The following GBA2 variants were observed in gnomAD, a reference collection of about 807,000 sequenced individuals.
The protein encoded by GBA2 is non-lysosomal glucosylceramidase.
Under a neutral mutation model 112.9 loss-of-function variants are expected in GBA2, and 79 were observed. That is an observed-to-expected ratio of 0.70 (90% CI 0.58 to 0.84). The LOEUF is 0.84. Ranked by LOEUF, GBA2 falls within the 40% of genes least tolerant of loss-of-function variation. GBA2 has a pLI of 0.00. For missense variants in GBA2, 1,043 were observed against 1,190.0 expected (o/e 0.88, Z 1.82); for synonymous variants, 403 against 434.3 (o/e 0.93, Z 0.90).
chr9:35,739,031 TTCC>T lies in GBA2; in HGVS notation c.1763_1765del (p.Arg588del). The T allele has an allele frequency of 6.2e-7, 1 of 1,613,494 alleles. No homozygotes were observed. The highest frequency in any genetic ancestry group is 8.5e-7 in the Non-Finnish European group (1 of 1,179,564). ...GTCCCCAATATCATGGGGGATGACG[TTCC>T]TCCTTTTCACAGGTGCCATCACCCC... On this transcript the variant is annotated inframe_deletion, in exon 11 of 17. Transcript: ENST00000378103.
At chr9:35,745,478 G>A (rs1826925509) in intron 1 of GBA2, among the ~76,000 whole-genome samples, 1 of 151,084 alleles carries the variant, frequency 6.6e-6, no homozygotes, top group Non-Finnish European at 1.5e-5. Flanking sequence ...GGTGAAAGGG[G>A]GAAAAAAATA....
At position 35,740,525 on chromosome 9, in the gene GBA2, C is replaced by A; in HGVS notation, c.1129+1G>T. 1.2e-6 allele frequency: 2 copies of A among 1,606,214 alleles called. No homozygotes were observed. Among genetic ancestry groups the A allele is most frequent in the Non-Finnish European group, 1.7e-6 (2 of 1,172,858 alleles). Reference sequence around the variant, plus strand: ...CATCTCCCAGTCAGACCCCCCATCACCAGTGGGAGAGTCCAGCTGTCCATC... The same window carrying A: ...CATCTCCCAGTCAGACCCCCCATCAACAGTGGGAGAGTCCAGCTGTCCATC... On this transcript the variant is annotated splice_donor_variant, in intron 6 of 16. Transcript: ENST00000378103. LOFTEE classifies it high-confidence loss of function. This position sits in a 1 kb window ranked among gnomAD's most constrained non-coding sequence, Gnocchi z 4.7.
chr9:35,738,561 GT>G lies in GBA2; in HGVS notation c.2018del (p.Asp673AlafsTer8). The G allele has an allele frequency of 1.9e-6, 3 of 1,613,780 alleles. No individual in the cohort carries two copies. Among genetic ancestry groups the G allele is most frequent in the Non-Finnish European group, 2.5e-6 (3 of 1,179,668 alleles). On this transcript the variant is annotated frameshift_variant, in exon 13 of 17. Coordinates refer to ENST00000378103, the MANE Select transcript of GBA2 (RefSeq NM_020944.3). LOFTEE classifies it high-confidence loss of function. ...TGGTCACCCATCCATCATAGGTCTG[GT>G]CTGCATAGCCTCCATTTTCAATGAG... is the stretch of plus-strand genomic sequence containing the variant. ...DGLIENGGYADQTYDGWVTTG... is the reference protein window; with the variant it reads ...DGLIENGGYAXQTYDGWVTTG...
Position 35,741,094 on chromosome 9 carries a change from C to T in GBA2, c.787-30G>A, listed in dbSNP as rs1055185640. 2 of 1,611,310 alleles carry T rather than the reference C, an allele frequency of 1.2e-6. No individual in the cohort carries two copies. Among genetic ancestry groups the T allele is most frequent in the African/African-American group, 2.7e-5 (2 of 74,890 alleles). On this transcript the variant is annotated intron_variant, in intron 4 of 16. Transcript: ENST00000378103. The surrounding 1 kb of genome is among the most constrained non-coding windows in gnomAD (Gnocchi z 4.6). ...GGGCAGAAGATTAGACTCAGACGGT[C>T]CCAGTAGAGCGCCTCCTGACCCCAC...
intron 10 of GBA2, 99 bp downstream of exon 10, chr9:35,739,216 G>T: frequency 9.7e-7 from 1 of 1,028,572 alleles, no homozygotes; most frequent in Non-Finnish European, 1.5e-6. Context: ...ATGCAGATAC[G>T]TATGAAGGGA....
rs762002434 is a variant in GBA2, at chr9:35,741,843, G to A, written c.615C>T (p.Val205=). The A allele has an allele frequency of 7.4e-6, 12 of 1,614,004 alleles. No individual in the cohort carries two copies. The South Asian group carries it at 8.8e-5, about 12-fold the overall frequency. Residue 205 remains valine, a synonymous_variant, in exon 4 of 17, where the codon GTC becomes GTT. Transcript: ENST00000378103. This position sits in a 1 kb window ranked among gnomAD's most constrained non-coding sequence, Gnocchi z 4.6. ...RREGQTVYQQ[V]LSLERPSVLR... ...GGACACTTGGGCGCTCCAGGGACAG[G>A]ACTTGCTGGTACACAGTCTGCCCTT...
chr9:35,742,100 A>C, intron 3 of GBA2: 1 of 602,204 alleles, frequency 1.7e-6, no homozygotes, highest in Non-Finnish European at 3.0e-6. Context: ...CTTCTCCACT[A>C]CGGTGGTGTT....
At chr9:35,739,153 G>C (rs1826469063) in intron 10 of GBA2, 44 bp from the exon 11 acceptor site, 1 of 1,292,132 alleles carries the variant, frequency 7.7e-7, no homozygotes, top group Non-Finnish European at 1.1e-6. Flanking sequence ...GGGCATGCCT[G>C]AGGAGGGGCA....
intron 1 of GBA2, among the ~76,000 whole-genome samples, chr9:35,745,778 G>T (rs970096289): frequency 6.6e-6 from 1 of 151,942 alleles, no homozygotes; most frequent in Non-Finnish European, 1.5e-5. Flanking sequence ...TTCCAGATGG[G>T]TCCTCACTAA....
rs867093831 is a variant in GBA2, at chr9:35,741,420, G to A, written c.786+252C>T. On this transcript the variant is annotated intron_variant, in intron 4 of 16. Coordinates refer to ENST00000378103, the MANE Select transcript of GBA2 (RefSeq NM_020944.3). This position sits in a 1 kb window ranked among gnomAD's most constrained non-coding sequence, Gnocchi z 4.6. The stretch of plus-strand genomic sequence containing the variant: ...CACCATTATCCTGCCTCAGCCTCCC[G>A]AGTAGCTGGGACTACAGGTGCCTGC... 8.2e-5 allele frequency: 43 copies of A among 523,570 alleles called. No homozygotes were observed. Among genetic ancestry groups the A allele is most frequent in the Middle Eastern group, 1.0e-3 (2 of 1,916 alleles). 32.4% of individuals were successfully genotyped at this position (523,570 alleles called of 1,614,324 possible).
intron 3 of GBA2, among the ~76,000 whole-genome samples, chr9:35,742,638 C>T (rs1054340153): frequency 1.3e-5 from 2 of 152,166 alleles, no homozygotes; most frequent in African/African-American, 4.8e-5. Flanking sequence ...ATGCACCCTT[C>T]TTCAGAGTTG....
intron 11 of GBA2, 31 bp from the exon 12 acceptor site, chr9:35,738,934 G>A: frequency 1.2e-6 from 2 of 1,612,970 alleles, no homozygotes; most frequent in Non-Finnish European, 1.7e-6. Context: ...TGGGTCACTT[G>A]CATTGGTGGA....
In GBA2 at chr9:35,737,262, CT is replaced by C; in HGVS notation, c.2690del (p.Lys897ArgfsTer13). 1 of 1,614,012 alleles carries C rather than the reference CT, an allele frequency of 6.2e-7. No individual in the cohort carries two copies. Among genetic ancestry groups the C allele is most frequent in the Non-Finnish European group, 8.5e-7 (1 of 1,180,034 alleles). Reference sequence around the variant, plus strand: ...CCTGTTTGACTTTTGGCCAGGAGGCCTTTTTGTGCTGCTGCTGTTGCAGGGC... The same window carrying C: ...CCTGTTTGACTTTTGGCCAGGAGGCCTTTTGTGCTGCTGCTGTTGCAGGGC... ...QLALQQQQHK[K>X]ASWPKVKQGT... On this transcript the variant is annotated frameshift_variant, in exon 17 of 17. Transcript: ENST00000378103. LOFTEE classifies it low-confidence loss of function (END_TRUNC). The surrounding 1 kb of genome is among the most constrained non-coding windows in gnomAD (Gnocchi z 4.1).
At chr9:35,745,283 T>C (rs1388369097) in intron 1 of GBA2, among the ~76,000 whole-genome samples, 1 of 152,056 alleles carries the variant, frequency 6.6e-6, no homozygotes, top group Non-Finnish European at 1.5e-5. Context: ...CCACCATGCC[T>C]GGCACATTTT....
At chr9:35,745,708 T>G (rs768177928) in intron 1 of GBA2, among the ~76,000 whole-genome samples, 1 of 152,186 alleles carries the variant, frequency 6.6e-6, no homozygotes, top group Non-Finnish European at 1.5e-5. Flanking sequence ...ACGATTCTGT[T>G]TTCAAGGCTC....
In GBA2 at chr9:35,741,260, G is replaced by A. The variant is rs1350867852; in HGVS notation, c.787-196C>T. 9.9e-6 allele frequency: 6 copies of A among 608,124 alleles called. No individual in the cohort carries two copies. The highest frequency in any genetic ancestry group is 8.4e-5 in the East Asian group (3 of 35,796). 37.7% of individuals were successfully genotyped at this position (608,124 alleles called of 1,614,324 possible). On this transcript the variant is annotated intron_variant, in intron 4 of 16. Coordinates refer to ENST00000378103, the MANE Select transcript of GBA2 (RefSeq NM_020944.3). The surrounding 1 kb of genome is among the most constrained non-coding windows in gnomAD (Gnocchi z 4.6). The stretch of plus-strand genomic sequence containing the variant: ...TATAGAAGACCAGAACCAGTTGGGC[G>A]GTGGTTCTGGGAAGCCAGTGTGATG...
At position 35,737,860 on chromosome 9, in the gene GBA2, A is replaced by G; in HGVS notation, c.2393T>C (p.Met798Thr). 1 of 1,613,748 alleles carries G rather than the reference A, an allele frequency of 6.2e-7. No homozygotes were observed. Among genetic ancestry groups the G allele is most frequent in the Non-Finnish European group, 8.5e-7 (1 of 1,179,856 alleles). ...GGGCTGCATCCCATTCACAGCCCCCATGGCCCCTCCTGCAAAGGCCTGGAC... is the reference window on the plus strand; with the variant it reads ...GGGCTGCATCCCATTCACAGCCCCCGTGGCCCCTCCTGCAAAGGCCTGGAC... Reference protein sequence around the residue: ...LNVQAFAGGAMGAVNGMQPHG... With the variant: ...LNVQAFAGGATGAVNGMQPHG... Residue 798 changes from methionine (M) to threonine (T), a missense_variant, in exon 16 of 17, where the codon ATG becomes ACG. Coordinates refer to ENST00000378103, the MANE Select transcript of GBA2 (RefSeq NM_020944.3). This position sits in a 1 kb window ranked among gnomAD's most constrained non-coding sequence, Gnocchi z 4.1.
chr9:35,737,594 G>T lies in GBA2; in HGVS notation c.2506-147C>A. ...AACTATGACCCACAGACAGAAGCCT[G>T]AAGGCAGGAGCTGGAATGCATACCA... On this transcript the variant is annotated intron_variant, in intron 16 of 16. Coordinates refer to ENST00000378103, the MANE Select transcript of GBA2 (RefSeq NM_020944.3). This position sits in a 1 kb window ranked among gnomAD's most constrained non-coding sequence, Gnocchi z 4.1. The T allele has an allele frequency of 1.9e-6, 3 of 1,563,210 alleles. No homozygotes were observed. Among genetic ancestry groups the T allele is most frequent in the Non-Finnish European group, 2.6e-6 (3 of 1,152,558 alleles).
rs765425066 is a variant in GBA2, at chr9:35,740,654, G to T, written c.1027-26C>A. The stretch of plus-strand genomic sequence containing the variant: ...CTGTGAAGGGGTCAGGGACTGTGAG[G>T]GCAGGCTCCACGAGTACACTGGGTC... On this transcript the variant is annotated intron_variant, in intron 5 of 16. Coordinates refer to ENST00000378103, the MANE Select transcript of GBA2 (RefSeq NM_020944.3). The surrounding 1 kb of genome is among the most constrained non-coding windows in gnomAD (Gnocchi z 4.7). 2.5e-6 allele frequency: 4 copies of T among 1,577,842 alleles called. No homozygotes were observed. The highest frequency in any genetic ancestry group is 3.5e-6 in the Non-Finnish European group (4 of 1,147,390).
Sources: gnomAD v4.1 joint callset for allele counts (sites outside exome capture counted in the v4.1 genomes callset) on GRCh38, gnomAD v4.1.1 for gene constraint, Gnocchi (gnomAD v3.1) non-coding constraint, MANE v1.5 for transcripts, NCBI Gene and HGNC (gene_info 2026-07-23, HGNC 2026-07-21) for gene names.